CAPN13: variants seen among roughly 807,000 people sequenced by gnomAD.
CAPN13 encodes the protein calpain 13, also known as calpain-13.
A neutral mutation model predicts 98.4 loss-of-function variants in CAPN13; 90 were observed. The ratio of observed to expected loss-of-function variants is 0.92; its 90% confidence interval spans 0.77 to 1.09. CAPN13 has a LOEUF of 1.09. Ranked by LOEUF, CAPN13 falls within the 50% of genes least tolerant of loss-of-function variation. The probability of loss-of-function intolerance (pLI) is 0.00; values close to 1 mark genes in which losing one functional copy is unlikely to be tolerated. For missense variants in CAPN13, 887 were observed against 841.3 expected (o/e 1.05, Z -0.67); for synonymous variants, 330 against 305.5 (o/e 1.08, Z -0.84).
At chr2:30,791,612 C>A (rs978731685) in intron 1 of CAPN13, among the ~76,000 whole-genome samples, 7 of 152,230 alleles carry the variant, frequency 4.6e-5, no homozygotes, top group Non-Finnish European at 8.8e-5. Context: ...ACACATATAA[C>A]CAGTAAGTCC....
At chr2:30,746,087 C>T (rs552865885) in intron 11 of CAPN13, among the ~76,000 whole-genome samples, 26 of 151,898 alleles carry the variant, frequency 1.7e-4, no homozygotes, top group Admixed American at 1.0e-3. Flanking sequence ...TTAGTAGAGA[C>T]GGGGTTTCAC....
In CAPN13 at chr2:30,787,944, T is replaced by C. The variant is rs571737263; in HGVS notation, c.-32-587A>G. On this transcript the variant is annotated intron_variant, in intron 1 of 22. Coordinates refer to ENST00000295055, the MANE Select transcript of CAPN13 (RefSeq NM_144575.3). ...CAATCTGGGGACCAGAGAGAGGGTG[T>C]GGGCAGGGACTGGAAGCAGGAAGGA... Among the ~76,000 whole-genome samples, 7 of 152,124 alleles carry C rather than the reference T, an allele frequency of 4.6e-5. No individual in the cohort carries two copies. The South Asian group carries it at 1.5e-3, about 32-fold the overall frequency.
chr2:30,741,820 A>C, intron 15 of CAPN13, 88 bp downstream of exon 15: 1 of 1,603,480 alleles, frequency 6.2e-7, no homozygotes, highest in East Asian at 2.2e-5. Flanking sequence ...TCCTCTCTGC[A>C]TCCCAGTAAG....
At chr2:30,758,301 C>G (rs543984455) in intron 7 of CAPN13, among the ~76,000 whole-genome samples, 164 bp from the exon 8 acceptor site, 3 of 152,354 alleles carry the variant, frequency 2.0e-5, no homozygotes, top group African/African-American at 7.2e-5. Context: ...CAATGTCTCT[C>G]TACTGCCTGC....
intron 17 of CAPN13, chr2:30,738,005 A>ACACACC (rs1463530899): frequency 1.9e-6 from 1 of 513,040 alleles, no homozygotes; most frequent in Non-Finnish European, 3.6e-6. Context: ...ACACACACAC[A>ACACACC]CCCCAGTACA....
chr2:30,795,324 G>A lies in CAPN13; in HGVS notation c.-32-7967C>T, dbSNP rs548227697. Among the ~76,000 whole-genome samples, 15 of 152,144 alleles carry A rather than the reference G, an allele frequency of 9.9e-5. 1 individual carries two copies. In the South Asian group the frequency reaches 1.2e-3, roughly 13 times the overall value. On this transcript the variant is annotated intron_variant, in intron 1 of 22. Coordinates refer to ENST00000295055, the MANE Select transcript of CAPN13 (RefSeq NM_144575.3). ...GGTTTAGGAAACGCACATACTCAAC[G>A]TCACTAAGTATGCCAAATTATTGTC...
chr2:30,788,690 C>T (rs537336520), intron 1 of CAPN13, among the ~76,000 whole-genome samples: 1 of 152,302 alleles, frequency 6.6e-6, no homozygotes, highest in East Asian at 1.9e-4. Context: ...AATATGAACT[C>T]ATAATCAAAA....
At chr2:30,762,474 T>C (rs2148018594) in intron 7 of CAPN13, among the ~76,000 whole-genome samples, 1 of 152,306 alleles carries the variant, frequency 6.6e-6, no homozygotes, top group Non-Finnish European at 1.5e-5. Flanking sequence ...GTGAGAGAAA[T>C]GATGCATGCC....
chr2:30,734,358 G>T, intron 19 of CAPN13, 91 bp downstream of exon 19: 3 of 959,044 alleles, frequency 3.1e-6, no homozygotes, highest in Middle Eastern at 2.7e-4. Flanking sequence ...CTGATTGCCT[G>T]GCACTGTTGT....
intron 21 of CAPN13, 21 bp downstream of exon 21, chr2:30,731,323 G>T (rs181518409): frequency 1.9e-6 from 3 of 1,598,260 alleles, no homozygotes; most frequent in South Asian, 1.1e-5. Context: ...TGCCTGCCCC[G>T]GGGAGGGGAA....
At chr2:30,741,689 G>C in intron 15 of CAPN13, 1 of 1,401,738 alleles carries the variant, frequency 7.1e-7, no homozygotes, top group Non-Finnish European at 9.3e-7. Flanking sequence ...CTGCATTCCA[G>C]CTTGAAGTCC....
chr2:30,743,580 C>G lies in CAPN13; in HGVS notation c.1249-1G>C, dbSNP rs1477009043. On this transcript the variant is annotated splice_acceptor_variant, in intron 12 of 22. Transcript: ENST00000295055. LOFTEE classifies it high-confidence loss of function. ...CGGGTGGAAATTTCTCCCGGAACCG[C>G]TGGAATTAGAGGAAACACAATGATT... The G allele has an allele frequency of 1.9e-6, 3 of 1,613,916 alleles. No homozygotes were observed. Among genetic ancestry groups the G allele is most frequent in the Non-Finnish European group, 2.5e-6 (3 of 1,179,824 alleles).
chr2:30,734,390 G>A (rs927854464), intron 19 of CAPN13, 59 bp downstream of exon 19: 8 of 1,330,006 alleles, frequency 6.0e-6, no homozygotes, highest in Non-Finnish European at 8.6e-6. Context: ...TACTAGGGGT[G>A]TGGGCATCAC....
intron 5 of CAPN13, among the ~76,000 whole-genome samples, chr2:30,768,694 C>CTTCCTTCCTTCCTTCCTTCCT (rs1673233665): frequency 6.6e-6 from 1 of 151,430 alleles, no homozygotes; most frequent in African/African-American, 2.4e-5. Flanking sequence ...TCCTTCCTTC[C>CTTCCTTCCTTCCTTCCTTCCT]TTCCTTCCTT....
At chr2:30,762,155 C>T (rs1243752188) in intron 7 of CAPN13, among the ~76,000 whole-genome samples, 1 of 152,184 alleles carries the variant, frequency 6.6e-6, no homozygotes, top group Non-Finnish European at 1.5e-5. Flanking sequence ...GTGTCCAGGC[C>T]AGCTGTCTCT....
chr2:30,755,125 A>C (rs1170604030), intron 8 of CAPN13, among the ~76,000 whole-genome samples: 1 of 148,568 alleles, frequency 6.7e-6, no homozygotes, highest in Non-Finnish European at 1.5e-5. Flanking sequence ...TTAAAACACC[A>C]CCCCCCCAAG....
At chr2:30,770,259 T>G in intron 5 of CAPN13, 54 bp downstream of exon 5, 5 of 1,592,338 alleles carry the variant, frequency 3.1e-6, no homozygotes, top group Non-Finnish European at 4.3e-6. Context: ...GCATTCCGGG[T>G]AGGCAGGACC....
intron 8 of CAPN13, among the ~76,000 whole-genome samples, chr2:30,755,640 G>A (rs1672405547): frequency 6.6e-6 from 1 of 152,098 alleles, no homozygotes; most frequent in African/African-American, 2.4e-5. Context: ...GGGTTTCAGA[G>A]GCACAAAAGC....
At chr2:30,769,725 C>G (rs555893275) in intron 5 of CAPN13, among the ~76,000 whole-genome samples, 2 of 152,316 alleles carry the variant, frequency 1.3e-5, no homozygotes, top group African/African-American at 4.8e-5. Flanking sequence ...AAGGCAGTTC[C>G]TAAGTTATGG....
Sources: allele counts gnomAD v4.1 joint callset (sites outside exome capture counted in the v4.1 genomes callset), GRCh38; gene constraint gnomAD v4.1.1; transcripts MANE v1.5; gene names NCBI Gene and HGNC (gene_info 2026-07-23, HGNC 2026-07-21).